DTNA: variants seen among roughly 807,000 people sequenced by gnomAD.
DTNA encodes the protein dystrobrevin alpha, also known as dystrophin-related protein 3.
DTNA carries 43 observed loss-of-function variants against 100.7 expected under a neutral mutation model. The observed-to-expected ratio is 0.43, with a 90% CI of 0.33 to 0.55. The LOEUF (loss-of-function observed/expected upper bound fraction) is 0.55. Among genes scored for constraint, DTNA ranks in the 20% least tolerant of loss-of-function variants. The pLI is 0.04. For missense variants in DTNA, 798 were observed against 953.9 expected (o/e 0.84, Z 2.15); for synonymous variants, 349 against 347.9 (o/e 1.00, Z -0.04).
chr18:34,520,970 A>G (rs1305851811), intron 1 of DTNA, among the ~76,000 whole-genome samples: 1 of 152,214 alleles, frequency 6.6e-6, no homozygotes, highest in Non-Finnish European at 1.5e-5. Context: ...GTTTGGTAGT[A>G]ACAATAACAA....
At chr18:34,728,722 T>C (rs944321917) in intron 1 of DTNA, among the ~76,000 whole-genome samples, 77 of 152,220 alleles carry the variant, frequency 5.1e-4, no homozygotes, top group African/African-American at 1.7e-3. Flanking sequence ...CTTTCTTCAG[T>C]GATTCCTACT....
chr18:34,686,687 T>G (rs1399471881), intron 1 of DTNA, among the ~76,000 whole-genome samples: 1 of 152,196 alleles, frequency 6.6e-6, no homozygotes, highest in Non-Finnish European at 1.5e-5. Flanking sequence ...CTTTTTCTTT[T>G]GTTTGGAATT....
chr18:34,707,149 G>C (rs563113890), upstream of DTNA, among the ~76,000 whole-genome samples: 1 of 152,238 alleles, frequency 6.6e-6, no homozygotes, highest in South Asian at 2.1e-4. Context: ...AGCCCATGTT[G>C]TTACCTTGAG....
chr18:34,634,664 T>C (rs892692508), intron 1 of DTNA, among the ~76,000 whole-genome samples: 2 of 152,150 alleles, frequency 1.3e-5, no homozygotes, highest in Admixed American at 1.3e-4. Flanking sequence ...TTCTTTTATA[T>C]AGCACCTAAA....
intron 17 of DTNA, chr18:34,868,014 C>T (rs1419941332): frequency 1.0e-6 from 1 of 984,762 alleles, no homozygotes; most frequent in Non-Finnish European, 1.2e-6. Flanking sequence ...TCAAAAAGGA[C>T]CTGAGGCAGC....
At chr18:34,729,199 A>G (rs2087488818) in intron 1 of DTNA, among the ~76,000 whole-genome samples, 2 of 152,246 alleles carry the variant, frequency 1.3e-5, no homozygotes, top group South Asian at 4.1e-4. Context: ...AAGGAAAATT[A>G]TTATGTGCAC....
At chr18:34,590,518 C>T (rs1384979984) in intron 1 of DTNA, among the ~76,000 whole-genome samples, 1 of 152,150 alleles carries the variant, frequency 6.6e-6, no homozygotes, top group African/African-American at 2.4e-5. Context: ...GTTCTTCATA[C>T]ACATGGATGT....
intron 1 of DTNA, among the ~76,000 whole-genome samples, chr18:34,524,129 T>C (rs1231442000): frequency 1.3e-5 from 2 of 152,190 alleles, no homozygotes; most frequent in Non-Finnish European, 2.9e-5. Flanking sequence ...AAAACAATAT[T>C]ACTGCTCTTC....
chr18:34,680,814 A>G (rs1172368043), intron 1 of DTNA, among the ~76,000 whole-genome samples: 1 of 151,934 alleles, frequency 6.6e-6, no homozygotes, highest in Non-Finnish European at 1.5e-5. Flanking sequence ...TGAAAAACTT[A>G]TTTTCTGAAT....
intron 1 of DTNA, among the ~76,000 whole-genome samples, chr18:34,681,734 CA>C (rs1450748598): frequency 0.022 from 3,232 of 149,162 alleles, 123 homozygotes; most frequent in African/African-American, 0.077. Flanking sequence ...ACACACACCC[CA>C]CACACACACA....
intron 21 of DTNA, 118 bp downstream of exon 21, chr18:34,882,319 T>A: frequency 7.4e-7 from 1 of 1,359,634 alleles, no homozygotes; most frequent in Non-Finnish European, 1.0e-6. Flanking sequence ...CTTTTCAAAA[T>A]ACACTGATTT....
chr18:34,582,123 G>C (rs1042300752), intron 1 of DTNA, among the ~76,000 whole-genome samples: 3 of 152,122 alleles, frequency 2.0e-5, no homozygotes, highest in Admixed American at 6.5e-5. Context: ...TGCTCAGAGA[G>C]AGAGAGCACC....
At chr18:34,808,933 A>C (rs1352126574) in intron 5 of DTNA, among the ~76,000 whole-genome samples, 1 of 152,204 alleles carries the variant, frequency 6.6e-6, no homozygotes, top group Non-Finnish European at 1.5e-5. Flanking sequence ...CTTTGAGAGC[A>C]GTGCACCTGA....
intron 1 of DTNA, among the ~76,000 whole-genome samples, chr18:34,519,783 G>A (rs186951269): frequency 6.6e-6 from 1 of 152,268 alleles, no homozygotes; most frequent in African/African-American, 2.4e-5. Context: ...GGCAACATAA[G>A]ACTCTTGTAA....
At chr18:34,720,148 C>T (rs1338319997) in intron 1 of DTNA, among the ~76,000 whole-genome samples, 2 of 152,052 alleles carry the variant, frequency 1.3e-5, no homozygotes, top group Admixed American at 1.3e-4. Context: ...GGAAGGGTCA[C>T]AAAGTCAAAG....
intron 17 of DTNA, chr18:34,866,185 C>T: frequency 6.2e-7 from 1 of 1,614,142 alleles, no homozygotes; most frequent in Non-Finnish European, 8.5e-7. Context: ...GGCCTGCCGA[C>T]CTGCGGTTTT....
At chr18:34,609,649 C>T (rs1264010200) in intron 1 of DTNA, among the ~76,000 whole-genome samples, 6 of 152,102 alleles carry the variant, frequency 3.9e-5, no homozygotes, top group African/African-American at 1.4e-4. Context: ...TGACTCATAC[C>T]TTTGCAGAGT....
chr18:34,529,879 A>G (rs2042980979), intron 1 of DTNA, among the ~76,000 whole-genome samples: 4 of 152,158 alleles, frequency 2.6e-5, no homozygotes, highest in African/African-American at 9.6e-5. Flanking sequence ...ATGTGAGAAT[A>G]TGCTTCAGAA....
intron 1 of DTNA, among the ~76,000 whole-genome samples, chr18:34,698,573 C>T (rs1393726537): frequency 1.3e-5 from 2 of 152,242 alleles, no homozygotes; most frequent in African/African-American, 2.4e-5. Flanking sequence ...AGATACACAA[C>T]TAATAGGATA....
Sources: gnomAD v4.1 joint callset for allele counts (sites outside exome capture counted in the v4.1 genomes callset) on GRCh38, gnomAD v4.1.1 for gene constraint, MANE v1.5 for transcripts, NCBI Gene and HGNC (gene_info 2026-07-23, HGNC 2026-07-21) for gene names.